FSHR: variants seen among roughly 807,000 people sequenced by gnomAD.
FSHR encodes follicle-stimulating hormone receptor.
Under a neutral mutation model 52.1 loss-of-function variants are expected in FSHR, and 46 were observed. The observed-to-expected ratio is 0.88, with a 90% CI of 0.70 to 1.13. The LOEUF (loss-of-function observed/expected upper bound fraction) is 1.13. Among genes scored for constraint, FSHR ranks in the 50% most tolerant of loss-of-function variants. The pLI, the probability that FSHR is intolerant of heterozygous loss-of-function variation, is 0.00. For synonymous variants in FSHR, 399 were observed against 309.6 expected (o/e 1.29, Z -3.03); for missense variants, 964 against 834.6 (o/e 1.16, Z -1.91).
intron 1 of FSHR, among the ~76,000 whole-genome samples, chr2:49,152,704 T>C (rs911923537): frequency 2.6e-5 from 4 of 152,198 alleles, no homozygotes; most frequent in Admixed American, 1.3e-4. Flanking sequence ...CATGGAAACA[T>C]TGGAAAAAGT....
At chr2:49,017,392 A>C in intron 4 of FSHR, 97 bp downstream of exon 4, 3 of 920,160 alleles carry the variant, frequency 3.3e-6, no homozygotes, top group Non-Finnish European at 5.2e-6. Flanking sequence ...TCCTTGATCA[A>C]AAGTAATTGC....
At chr2:48,990,066 A>G (rs1048008394) in intron 5 of FSHR, among the ~76,000 whole-genome samples, 4 of 152,088 alleles carry the variant, frequency 2.6e-5, no homozygotes, top group Admixed American at 2.6e-4. Flanking sequence ...CAATTTCACT[A>G]TTGGGAATAG....
At position 48,997,299 on chromosome 2, in the gene FSHR, C is replaced by T. The variant is rs142457504; in HGVS notation, c.375-6662G>A. 4.2e-4 allele frequency: 409 copies of T among 984,802 alleles called. 2 individuals carry two copies. In the East Asian group the frequency reaches 0.017, roughly 41 times the overall value. The allele number at this position is 984,802 out of a possible 1,614,324, so 61.0% of individuals were successfully genotyped here. On this transcript the variant is annotated intron_variant, in intron 4 of 9. Transcript: ENST00000406846. ...CATTTTCAAAACTAGAAGTATTTAA[C>T]TCTCATATTTAACTGGAACTCTTTG...
intron 8 of FSHR, among the ~76,000 whole-genome samples, chr2:48,980,338 C>T (rs904567264): frequency 6.6e-6 from 1 of 152,154 alleles, no homozygotes; most frequent in Admixed American, 6.5e-5. Flanking sequence ...CAGATGTGTT[C>T]CTGTGGTAAG....
intron 1 of FSHR, among the ~76,000 whole-genome samples, chr2:49,076,871 T>C (rs570685193): frequency 6.6e-6 from 1 of 152,248 alleles, no homozygotes; most frequent in South Asian, 2.1e-4. Context: ...TCCAAAATGA[T>C]CTGTTTTGAC....
In FSHR at chr2:48,978,618, TA is replaced by T. The variant is rs957043135; in HGVS notation, c.668+4293del. On this transcript the variant is annotated intron_variant, in intron 8 of 9. Coordinates refer to ENST00000406846, the MANE Select transcript of FSHR (RefSeq NM_000145.4). ...AAGAAACAGCAATTGTTCGATTGCT[TA>T]AAAAAAAACAACCTTGAGTGAGTTC... 2.0e-5 allele frequency among the ~76,000 whole-genome samples: 3 copies of T among 151,546 alleles called. No homozygotes were observed. The East Asian group carries it at 5.8e-4, about 29-fold the overall frequency.
chr2:49,007,443 A>C (rs573467428), intron 4 of FSHR, among the ~76,000 whole-genome samples: 11 of 152,286 alleles, frequency 7.2e-5, no homozygotes, highest in African/African-American at 2.2e-4. Flanking sequence ...TGTGTAAAAA[A>C]CTGGAATTAT....
chr2:49,013,855 T>A (rs1667382370), intron 4 of FSHR, among the ~76,000 whole-genome samples: 1 of 151,980 alleles, frequency 6.6e-6, no homozygotes, highest in Non-Finnish European at 1.5e-5. Flanking sequence ...GGAAGGTGAT[T>A]AGAGTTAGAT....
intron 2 of FSHR, among the ~76,000 whole-genome samples, chr2:49,065,987 G>C (rs973625964): frequency 1.3e-5 from 2 of 152,072 alleles, no homozygotes; most frequent in Non-Finnish European, 2.9e-5. Context: ...GGATAAAGTA[G>C]AATTCACTGG....
At chr2:49,110,375 T>C (rs1671380432) in intron 1 of FSHR, among the ~76,000 whole-genome samples, 1 of 152,148 alleles carries the variant, frequency 6.6e-6, no homozygotes, top group African/African-American at 2.4e-5. Flanking sequence ...AACTACTTAA[T>C]ATACTGTCTC....
chr2:48,964,427 C>T (rs1172353911), intron 9 of FSHR, among the ~76,000 whole-genome samples: 1 of 152,198 alleles, frequency 6.6e-6, no homozygotes, highest in Non-Finnish European at 1.5e-5. Context: ...CTTCTCTTAT[C>T]TACATAAATT....
rs182391616 is a variant in FSHR at position 49,076,938 on chromosome 2, C to T, written c.153-8648G>A. Among the ~76,000 whole-genome samples the T allele has an allele frequency of 3.7e-3, 561 of 152,298 alleles. 3 individuals are homozygous for T. Among genetic ancestry groups the T allele is most frequent in the African/African-American group, 0.012 (515 of 41,564 alleles). ...AAGAGGTGGGTTCCATGATCTTGGG[C>T]AGCTCTGCCCCTGTGGCTTTGCAGG... On this transcript the variant is annotated intron_variant, in intron 1 of 9. Transcript: ENST00000406846.
At chr2:49,000,234 T>C (rs1220654676) in intron 4 of FSHR, among the ~76,000 whole-genome samples, 1 of 152,136 alleles carries the variant, frequency 6.6e-6, no homozygotes, top group Admixed American at 6.6e-5. Flanking sequence ...TTGTAAATGA[T>C]ATCAGTCTCA....
chr2:49,094,654 T>C (rs565776824), intron 1 of FSHR, among the ~76,000 whole-genome samples: 2 of 152,248 alleles, frequency 1.3e-5, no homozygotes, highest in African/African-American at 4.8e-5. Flanking sequence ...TCCTGACTTA[T>C]GGGATTCAGA....
intron 2 of FSHR, among the ~76,000 whole-genome samples, chr2:49,049,372 G>C (rs182387444): frequency 9.2e-5 from 14 of 152,244 alleles, no homozygotes; most frequent in African/African-American, 3.1e-4. Context: ...AATGGAAGAA[G>C]ATTGCGTTTG....
At chr2:49,112,112 T>G (rs1292047895) in intron 1 of FSHR, among the ~76,000 whole-genome samples, 1 of 152,200 alleles carries the variant, frequency 6.6e-6, no homozygotes, top group Non-Finnish European at 1.5e-5. Context: ...GCTTCGGTTA[T>G]GTATGTGAAC....
chr2:49,124,882 G>T (rs1165297090), intron 1 of FSHR, among the ~76,000 whole-genome samples: 1 of 152,044 alleles, frequency 6.6e-6, no homozygotes, highest in East Asian at 1.9e-4. Flanking sequence ...TCCTTACAGG[G>T]GTCCACTGGC....
chr2:49,125,686 C>T (rs1460117951), intron 1 of FSHR, among the ~76,000 whole-genome samples: 2 of 152,166 alleles, frequency 1.3e-5, no homozygotes, highest in African/African-American at 4.8e-5. Flanking sequence ...ATCCAATTAC[C>T]TGAGGAATCT....
intron 1 of FSHR, among the ~76,000 whole-genome samples, chr2:49,112,760 T>C (rs1339178506): frequency 1.3e-5 from 2 of 152,204 alleles, no homozygotes; most frequent in African/African-American, 4.8e-5. Context: ...AGTAAGACCA[T>C]CTTGCCCCTA....
Sources: allele counts gnomAD v4.1 joint callset (sites outside exome capture counted in the v4.1 genomes callset), GRCh38; gene constraint gnomAD v4.1.1; transcripts MANE v1.5; gene names NCBI Gene and HGNC (gene_info 2026-07-23, HGNC 2026-07-21).